The following FLNB variants were observed in gnomAD, a reference collection of about 807,000 sequenced individuals.
FLNB encodes the protein filamin-B.
FLNB carries 111 observed loss-of-function variants against 250.6 expected under a neutral mutation model. The observed-to-expected ratio is 0.44, with a 90% CI of 0.38 to 0.52. The LOEUF (loss-of-function observed/expected upper bound fraction) is 0.52. FLNB is among the 20% of genes least tolerant of loss of function. The pLI is 0.00. For synonymous variants in FLNB, 1,302 were observed against 1,372.1 expected (o/e 0.95, Z 1.13); for missense variants, 2,869 against 3,447.8 (o/e 0.83, Z 4.20).
chr3:58,072,150 G>A (rs544559792), intron 1 of FLNB, among the ~76,000 whole-genome samples: 1 of 152,320 alleles, frequency 6.6e-6, no homozygotes, highest in South Asian at 2.1e-4. Flanking sequence ...AAGCAACACT[G>A]AGTAATTTTA....
In FLNB at chr3:58,123,299, C is replaced by T. The variant is rs1576758351; in HGVS notation, c.3333C>T (p.Ile1111=). ...AACCCGGGGAGTACTTCGTCAACAT[C>T]CTCTTTGAAGAAGTCCACATACCTG... ...PTKPGEYFVN[I]LFEEVHIPGS... is the part of the protein sequence containing the mutation. The change falls in exon 21 of 46, where the codon ATC becomes ATT. Residue 1111 remains isoleucine, a synonymous_variant. Transcript: ENST00000295956. The T allele has an allele frequency of 6.2e-7, 1 of 1,614,158 alleles. No homozygotes were observed. Among genetic ancestry groups the T allele is most frequent in the East Asian group, 2.2e-5 (1 of 44,876 alleles).
intron 1 of FLNB, among the ~76,000 whole-genome samples, chr3:58,012,236 T>G (rs2097100014): frequency 6.9e-6 from 1 of 145,308 alleles, no homozygotes; most frequent in South Asian, 2.2e-4. Context: ...AAAAAAGTCA[T>G]GCCCGAATGG....
chr3:58,134,712 T>C lies in FLNB; in HGVS notation c.4611T>C (p.Pro1537=), dbSNP rs1233328818. The change falls in exon 27 of 46, where the codon CCT becomes CCC. Residue 1537 remains proline, a synonymous_variant. Coordinates refer to ENST00000295956, the MANE Select transcript of FLNB (RefSeq NM_001457.4). ...CCTATGGTGTGCCTGCCAGTCTACC[T>C]GTGGACTTTGCAATTGATGCCCGAG... ...LSSYGVPASL[P]VDFAIDARDA... 1 of 1,614,170 alleles carries C rather than the reference T, an allele frequency of 6.2e-7. No individual in the cohort carries two copies. The highest frequency in any genetic ancestry group is 1.1e-5 in the South Asian group (1 of 91,086).
intron 1 of FLNB, among the ~76,000 whole-genome samples, chr3:58,051,151 C>T (rs2097161686): frequency 6.6e-6 from 1 of 152,242 alleles, no homozygotes; most frequent in African/African-American, 2.4e-5. Context: ...GGCAGGTCCT[C>T]TCCAGTGAGT....
chr3:58,166,314 G>A (rs1308814057), intron 43 of FLNB, among the ~76,000 whole-genome samples: 2 of 152,192 alleles, frequency 1.3e-5, no homozygotes, highest in Non-Finnish European at 2.9e-5. Context: ...GGCCAAATGG[G>A]TGCGGTGGCT....
At chr3:58,087,751 T>A (rs560886813) in intron 4 of FLNB, among the ~76,000 whole-genome samples, 1 of 151,766 alleles carries the variant, frequency 6.6e-6, no homozygotes, top group Non-Finnish European at 1.5e-5. Flanking sequence ...CGCCCAGCCT[T>A]TTTTTTGAGA....
At chr3:58,031,068 T>G (rs2097130185) in intron 1 of FLNB, among the ~76,000 whole-genome samples, 1 of 152,188 alleles carries the variant, frequency 6.6e-6, no homozygotes, top group Non-Finnish European at 1.5e-5. Flanking sequence ...ATTACCAAAC[T>G]TTTGGATAAC....
chr3:58,088,038 CT>C (rs56009116), intron 4 of FLNB, among the ~76,000 whole-genome samples: 1,092 of 84,466 alleles, frequency 0.013, 7 homozygotes, highest in African/African-American at 0.031. Context: ...GGCGCCCAGC[CT>C]TTTTTTTTTT....
chr3:58,141,933 C>A lies in FLNB; in HGVS notation c.5181+4C>A, dbSNP rs755886634. The A allele has an allele frequency of 2.5e-6, 4 of 1,613,762 alleles. No individual in the cohort carries two copies. In the Admixed American group the frequency reaches 6.7e-5, roughly 27 times the overall value. On this transcript the variant is annotated splice_donor_region_variant and intron_variant, in intron 30 of 45. Coordinates refer to ENST00000295956, the MANE Select transcript of FLNB (RefSeq NM_001457.4). ...TCCCCCTGGATTCAGGCCCTGGGTA[C>A]AATTTTGGTTTTTTCCTTTTTGTGT...
intron 22 of FLNB, 101 bp from the exon 23 acceptor site, chr3:58,125,480 T>C: frequency 1.5e-6 from 2 of 1,347,404 alleles, no homozygotes. Flanking sequence ...TAGTATAGCA[T>C]GCAGACTTCG....
intron 6 of FLNB, among the ~76,000 whole-genome samples, 194 bp downstream of exon 6, chr3:58,096,412 C>T (rs17058819): frequency 1.3e-5 from 2 of 152,164 alleles, no homozygotes; most frequent in Admixed American, 6.5e-5. Context: ...TTTGCAATGT[C>T]GTAAGATTTT....
intron 24 of FLNB, 102 bp from the exon 25 acceptor site, chr3:58,130,639 G>C: frequency 8.2e-7 from 1 of 1,222,798 alleles, no homozygotes; most frequent in African/African-American, 1.5e-5. Flanking sequence ...ACCGAGGCCT[G>C]CATGGCCGAG....
At chr3:58,148,987 A>T in intron 36 of FLNB, 135 bp downstream of exon 36, 1 of 800,450 alleles carries the variant, frequency 1.2e-6, no homozygotes, top group Non-Finnish European at 2.1e-6. Flanking sequence ...TTCTGCCTGC[A>T]TTGTCTTTTA....
chr3:58,014,328 C>T (rs1303148851), intron 1 of FLNB, among the ~76,000 whole-genome samples: 2 of 152,202 alleles, frequency 1.3e-5, no homozygotes, highest in Non-Finnish European at 2.9e-5. Flanking sequence ...TTATGGCTGC[C>T]TCCAGGGCCC....
intron 18 of FLNB, among the ~76,000 whole-genome samples, chr3:58,117,875 C>T (rs2097281531): frequency 6.6e-6 from 1 of 151,328 alleles, no homozygotes; most frequent in Admixed American, 6.6e-5. Flanking sequence ...ATGCTACACC[C>T]TTTTAACACT....
At chr3:58,081,588 T>C (rs750342917) in intron 3 of FLNB, 41 bp from the exon 4 acceptor site, 4 of 1,605,128 alleles carry the variant, frequency 2.5e-6, no homozygotes, top group Non-Finnish European at 3.4e-6. Flanking sequence ...AGTTGCAAAG[T>C]GATGTGTTCT....
At chr3:58,125,843 T>C in intron 23 of FLNB, 100 bp downstream of exon 23, 1 of 1,176,972 alleles carries the variant, frequency 8.5e-7, no homozygotes, top group Non-Finnish European at 1.3e-6. Flanking sequence ...TGAATTTTTA[T>C]TTTTATAACA....
At chr3:58,081,851 T>A (rs1318318981) in intron 4 of FLNB, 75 bp downstream of exon 4, 8 of 1,529,250 alleles carry the variant, frequency 5.2e-6, no homozygotes, top group Non-Finnish European at 7.3e-6. Flanking sequence ...GCTTCAAGAG[T>A]GATGTTCTTA....
In FLNB at chr3:58,125,588, T is replaced by G; in HGVS notation, c.3906T>G (p.His1302Gln). ...GTTTGTTGTTTTGAGCAGGTCTCCA[T>G]GTAGTGGAGGTGACATATGATGACG... ...VEYTPFEKGL[H>Q]VVEVTYDDVP... Residue 1302 changes from histidine to glutamine, a missense_variant, in exon 23 of 46, where the codon CAT (histidine) becomes CAG (glutamine). By Grantham distance (24) the His-to-Gln change is conservative (BLOSUM62 0). Around this residue, in one of 5 missense-constraint regions of FLNB, gnomAD observed 1,348 missense variants for 1,466.7 expected, o/e 0.92. Transcript: ENST00000295956. 3 of 1,614,156 alleles carry G rather than the reference T, an allele frequency of 1.9e-6. No homozygotes were observed. The highest frequency in any genetic ancestry group is 2.5e-6 in the Non-Finnish European group (3 of 1,179,994).
Sources: allele counts gnomAD v4.1 joint callset (sites outside exome capture counted in the v4.1 genomes callset), GRCh38; gene constraint gnomAD v4.1.1; regional missense constraint gnomAD v4.1.1; transcripts MANE v1.5; gene names NCBI Gene and HGNC (gene_info 2026-07-23, HGNC 2026-07-21).